TTC28: variants seen among roughly 807,000 people sequenced by gnomAD.
TTC28 encodes the protein tetratricopeptide repeat protein 28.
Under a neutral mutation model 198.0 loss-of-function variants are expected in TTC28, and 61 were observed. The observed-to-expected ratio is 0.31, with a 90% CI of 0.25 to 0.38. The LOEUF is 0.38. Among genes scored for constraint, TTC28 ranks in the 10% least tolerant of loss-of-function variants. TTC28 has a pLI of 1.00. For synonymous variants in TTC28, 1,171 were observed against 1,297.8 expected, an observed-to-expected ratio of 0.90 and a Z score of 2.10; for missense variants, 2,678 against 3,164.0, an observed-to-expected ratio of 0.85 and a Z score of 3.69.
intron 13 of TTC28, among the ~76,000 whole-genome samples, chr22:28,027,718 C>T (rs537584765): frequency 5.9e-5 from 9 of 152,374 alleles, no homozygotes; most frequent in Non-Finnish European, 1.2e-4. Flanking sequence ...TCTAGCCGCT[C>T]TGTTCAGTCA....
intron 12 of TTC28, among the ~76,000 whole-genome samples, chr22:28,054,939 G>A (rs564813066): frequency 3.3e-5 from 5 of 152,324 alleles, no homozygotes; most frequent in Admixed American, 2.0e-4. Flanking sequence ...AGCTGAAAGA[G>A]CACCCACAGT....
At chr22:28,305,294 C>CAG (rs2045120824) in intron 3 of TTC28, among the ~76,000 whole-genome samples, 1 of 151,950 alleles carries the variant, frequency 6.6e-6, no homozygotes, top group Non-Finnish European at 1.5e-5. Context: ...CCTGGCCAGT[C>CAG]AGAGTTTATT....
At chr22:28,587,623 T>C (rs1308423494) in intron 2 of TTC28, among the ~76,000 whole-genome samples, 1 of 151,862 alleles carries the variant, frequency 6.6e-6, no homozygotes, top group Non-Finnish European at 1.5e-5. Context: ...ATTTTTCTAT[T>C]TTTAATAGAG....
At position 28,263,857 on chromosome 22, in the gene TTC28, A is replaced by G. The variant is rs143924307; in HGVS notation, c.933+32341T>C. Among the ~76,000 whole-genome samples the G allele has an allele frequency of 1.5e-4, 23 of 152,164 alleles. 1 individual carries two copies. The highest frequency in any genetic ancestry group is 4.8e-4 in the African/African-American group (20 of 41,526). The stretch of plus-strand genomic sequence containing the variant: ...AGTAGTAAATGATAGTGGAAAGGCA[A>G]TTAGGAGCTGGATCACAGAGGGCCA... On this transcript the variant is annotated intron_variant, in intron 5 of 22. Coordinates refer to ENST00000397906, the MANE Select transcript of TTC28 (RefSeq NM_001145418.2).
intron 2 of TTC28, among the ~76,000 whole-genome samples, chr22:28,410,724 T>C (rs1487605048): frequency 1.3e-5 from 2 of 152,170 alleles, no homozygotes; most frequent in African/African-American, 2.4e-5. Context: ...TCAGCAAGAT[T>C]ACAATCAGAA....
intron 13 of TTC28, 144 bp downstream of exon 13, chr22:28,030,082 G>A (rs1428982130): frequency 8.1e-7 from 1 of 1,227,102 alleles, no homozygotes; most frequent in Non-Finnish European, 1.1e-6. Context: ...GCATGGGGCT[G>A]TGAAAGCATC....
chr22:28,014,348 G>T lies in TTC28; in HGVS notation c.4118C>A (p.Pro1373Gln). 1 of 1,551,532 alleles carries T rather than the reference G, an allele frequency of 6.4e-7. No homozygotes were observed. The highest frequency in any genetic ancestry group is 8.7e-7 in the Non-Finnish European group (1 of 1,146,946). Residue 1373 changes from proline (P) to glutamine (Q), a missense_variant, in exon 14 of 23, where the codon CCG (proline) becomes CAG (glutamine). By Grantham distance (76) the Pro-to-Gln change is moderately conservative. This residue lies in a region of TTC28 where 727 missense variants were observed against 861.9 expected (regional missense o/e 0.84). Coordinates refer to ENST00000397906, the MANE Select transcript of TTC28 (RefSeq NM_001145418.2). ...MTSLFSNTVS[P>Q]TQDGTSSLPR... is the part of the protein sequence containing the mutation. ...AAGAGAGGAGGTCCCGTCCTGGGTC[G>T]GTGACACAGTGTTACTGAACAGGCT...
chr22:28,281,854 G>A (rs1310160841), intron 5 of TTC28, among the ~76,000 whole-genome samples: 1 of 152,126 alleles, frequency 6.6e-6, no homozygotes, highest in African/African-American at 2.4e-5. Context: ...TCATATGCCT[G>A]GGAGCTACCT....
chr22:28,584,661 A>C (rs2050285964), intron 2 of TTC28, among the ~76,000 whole-genome samples: 1 of 152,222 alleles, frequency 6.6e-6, no homozygotes, highest in Non-Finnish European at 1.5e-5. Flanking sequence ...ACATATATCT[A>C]GCACCTACCA....
At chr22:28,511,368 T>C (rs1001018097) in intron 2 of TTC28, among the ~76,000 whole-genome samples, 1 of 152,098 alleles carries the variant, frequency 6.6e-6, no homozygotes, top group Non-Finnish European at 1.5e-5. Context: ...CCTACAACCA[T>C]CTGATCTTTT....
At chr22:28,341,834 C>T (rs1205810377) in intron 2 of TTC28, among the ~76,000 whole-genome samples, 1 of 151,542 alleles carries the variant, frequency 6.6e-6, no homozygotes, top group African/African-American at 2.4e-5. Context: ...TAAAAATTAG[C>T]CAAACATGGA....
chr22:28,645,762 A>T (rs1161610240), intron 1 of TTC28, among the ~76,000 whole-genome samples: 1 of 152,156 alleles, frequency 6.6e-6, no homozygotes, highest in African/African-American at 2.4e-5. Context: ...CCATATGATC[A>T]TTTCAAAAGA....
intron 17 of TTC28, among the ~76,000 whole-genome samples, chr22:27,994,818 T>G (rs1174683072): frequency 6.6e-6 from 1 of 152,082 alleles, no homozygotes; most frequent in Non-Finnish European, 1.5e-5. Flanking sequence ...AGAAGGCAGT[T>G]CCATTTCCCC....
At chr22:28,262,333 T>C (rs530626525) in intron 5 of TTC28, among the ~76,000 whole-genome samples, 1 of 152,312 alleles carries the variant, frequency 6.6e-6, no homozygotes, top group East Asian at 1.9e-4. Context: ...TGTTTATTCA[T>C]CTCAGCTACT....
intron 5 of TTC28, among the ~76,000 whole-genome samples, chr22:28,164,293 G>C (rs539408418): frequency 2.6e-5 from 4 of 152,304 alleles, no homozygotes; most frequent in African/African-American, 4.8e-5. Context: ...TTTGAAGAGA[G>C]TAGTGGTTCT....
intron 2 of TTC28, among the ~76,000 whole-genome samples, chr22:28,556,051 TA>T (rs775299578): frequency 0.011 from 1,627 of 145,332 alleles, 25 homozygotes; most frequent in African/African-American, 0.035. Flanking sequence ...TTTGGTTTAT[TA>T]AAAAAAAAAA....
intron 7 of TTC28, among the ~76,000 whole-genome samples, chr22:28,106,712 C>A (rs190392702): frequency 6.6e-6 from 1 of 152,236 alleles, no homozygotes; most frequent in Non-Finnish European, 1.5e-5. Flanking sequence ...AAAAGATCAG[C>A]GAAAGTGACT....
intron 2 of TTC28, among the ~76,000 whole-genome samples, chr22:28,564,571 T>C (rs2049940997): frequency 6.6e-6 from 1 of 151,972 alleles, no homozygotes; most frequent in Non-Finnish European, 1.5e-5. Context: ...TTGTCTGTGA[T>C]AGCAGTATTC....
At chr22:28,269,445 A>G (rs1289046478) in intron 5 of TTC28, among the ~76,000 whole-genome samples, 1 of 152,206 alleles carries the variant, frequency 6.6e-6, no homozygotes, top group Non-Finnish European at 1.5e-5. Flanking sequence ...TGCCCACTCT[A>G]GCCAGACCTA....
Sources: allele counts gnomAD v4.1 joint callset (sites outside exome capture counted in the v4.1 genomes callset), GRCh38; gene constraint gnomAD v4.1.1; regional missense constraint gnomAD v4.1.1; transcripts MANE v1.5; gene names NCBI Gene and HGNC (gene_info 2026-07-23, HGNC 2026-07-21).